Variants in GAB2 observed in about 807,000 individuals in gnomAD.
GAB2 encodes the protein GRB2-associated-binding protein 2.
Under a neutral mutation model 65.5 loss-of-function variants are expected in GAB2, and 26 were observed. That is an observed-to-expected ratio of 0.40 (90% CI 0.29 to 0.55). GAB2 has a LOEUF of 0.55. Ranked by LOEUF, GAB2 falls within the 20% of genes least tolerant of loss-of-function variation. The probability of loss-of-function intolerance (pLI) is 0.53; values close to 1 mark genes in which losing one functional copy is unlikely to be tolerated. For missense variants in GAB2, 884 were observed against 875.8 expected, an observed-to-expected ratio of 1.01 and a Z score of -0.12; for synonymous variants, 321 against 329.6, an observed-to-expected ratio of 0.97 and a Z score of 0.28.
intron 1 of GAB2, among the ~76,000 whole-genome samples, chr11:78,394,299 CA>C (rs1374977978): frequency 1.3e-5 from 2 of 151,802 alleles, no homozygotes; most frequent in Non-Finnish European, 2.9e-5. Context: ...AAAAAAACAC[CA>C]AAAAACAAAA....
At chr11:78,250,851 C>G (rs1387386525) in intron 2 of GAB2, among the ~76,000 whole-genome samples, 1 of 152,148 alleles carries the variant, frequency 6.6e-6, no homozygotes, top group Non-Finnish European at 1.5e-5. Flanking sequence ...AATGCAGAAA[C>G]AGAAAACCAA....
chr11:78,352,730 C>A (rs945156474), intron 1 of GAB2, among the ~76,000 whole-genome samples: 2 of 152,082 alleles, frequency 1.3e-5, no homozygotes, highest in Admixed American at 1.3e-4. Context: ...CCAAAAAAAA[C>A]ATAAGGGGTT....
chr11:78,262,798 G>A (rs191631798), intron 2 of GAB2, among the ~76,000 whole-genome samples: 57 of 152,172 alleles, frequency 3.7e-4, no homozygotes, highest in East Asian at 1.9e-3. Context: ...GTACTGAGTG[G>A]GCCTGCATAC....
intron 1 of GAB2, among the ~76,000 whole-genome samples, chr11:78,313,909 C>G (rs758393714): frequency 6.6e-5 from 10 of 152,126 alleles, no homozygotes; most frequent in Non-Finnish European, 1.3e-4. Context: ...TTAAATCCAC[C>G]TACCAAAAAA....
chr11:78,245,244 G>C (rs1320654371), intron 3 of GAB2, among the ~76,000 whole-genome samples: 3 of 152,134 alleles, frequency 2.0e-5, no homozygotes, highest in Non-Finnish European at 4.4e-5. Context: ...ATAACAATAT[G>C]AATGTACTTT....
rs141358657 is a variant in GAB2, at chr11:78,251,758, G to A, written c.377-1358C>T. ...CCTGGACTTGCTTCTTCTTCTGTGT[G>A]CCAGCAGCACTTGGCCCATGCTCCC... is the stretch of plus-strand genomic sequence containing the variant. On this transcript the variant is annotated intron_variant, in intron 2 of 9. Coordinates refer to ENST00000361507, the MANE Select transcript of GAB2 (RefSeq NM_080491.3). Among the ~76,000 whole-genome samples, 12 of 152,042 alleles carry A rather than the reference G, an allele frequency of 7.9e-5. No individual in the cohort carries two copies. In the East Asian group the frequency reaches 2.3e-3, roughly 30 times the overall value.
At chr11:78,228,771 C>G (rs1864758196) in intron 3 of GAB2, among the ~76,000 whole-genome samples, 2 of 145,524 alleles carry the variant, frequency 1.4e-5, no homozygotes, top group African/African-American at 5.2e-5. Context: ...AGCCAACAGC[C>G]ATGGGCTTGG....
intron 1 of GAB2, among the ~76,000 whole-genome samples, chr11:78,331,707 C>G (rs139713639): frequency 5.3e-5 from 8 of 152,160 alleles, no homozygotes; most frequent in Middle Eastern, 6.8e-3. Context: ...ATAGTGCCCA[C>G]GCTGCTCTGG....
intron 1 of GAB2, among the ~76,000 whole-genome samples, chr11:78,316,253 C>A (rs1855601325): frequency 6.6e-6 from 1 of 152,138 alleles, no homozygotes; most frequent in Admixed American, 6.5e-5. Context: ...TCCCCAGCTT[C>A]CAGATGGCCT....
At chr11:78,226,010 C>T (rs1368910931) in intron 4 of GAB2, among the ~76,000 whole-genome samples, 1 of 152,188 alleles carries the variant, frequency 6.6e-6, no homozygotes, top group African/African-American at 2.4e-5. Flanking sequence ...TTGACTTCAA[C>T]CAAAGAGATT....
intron 1 of GAB2, among the ~76,000 whole-genome samples, chr11:78,335,423 T>C (rs1855981388): frequency 6.6e-6 from 1 of 152,224 alleles, no homozygotes; most frequent in Non-Finnish European, 1.5e-5. Flanking sequence ...TTGTATATGG[T>C]GAAAGATAGG....
intron 1 of GAB2, among the ~76,000 whole-genome samples, chr11:78,320,245 C>G (rs776142535): frequency 6.6e-6 from 1 of 152,098 alleles, no homozygotes; most frequent in African/African-American, 2.4e-5. Flanking sequence ...CTATGTTTCC[C>G]AGGCAGGATT....
chr11:78,327,235 T>C (rs1285971217), intron 1 of GAB2, among the ~76,000 whole-genome samples: 1 of 152,202 alleles, frequency 6.6e-6, no homozygotes, highest in African/African-American at 2.4e-5. Context: ...TAATAGCCTA[T>C]AAGAATGATA....
intron 1 of GAB2, among the ~76,000 whole-genome samples, chr11:78,281,945 T>G (rs540466297): frequency 1.3e-5 from 2 of 152,346 alleles, no homozygotes; most frequent in Admixed American, 1.3e-4. Flanking sequence ...AAACAAGTTT[T>G]CTAACTTTTT....
At chr11:78,258,855 T>C (rs778925961) in intron 2 of GAB2, among the ~76,000 whole-genome samples, 2 of 152,218 alleles carry the variant, frequency 1.3e-5, no homozygotes, top group Non-Finnish European at 2.9e-5. Flanking sequence ...AAGTTTATAA[T>C]GTTTTCATTG....
At chr11:78,306,042 C>A (rs553263167) in intron 1 of GAB2, among the ~76,000 whole-genome samples, 3 of 152,242 alleles carry the variant, frequency 2.0e-5, no homozygotes, top group Admixed American at 6.5e-5. Flanking sequence ...GAATGCAAAC[C>A]CCTATATTAA....
chr11:78,386,019 C>T (rs1856761403), intron 1 of GAB2, among the ~76,000 whole-genome samples: 1 of 152,150 alleles, frequency 6.6e-6, no homozygotes, highest in Non-Finnish European at 1.5e-5. Context: ...CAAAGCTTCC[C>T]CATCCCCAGT....
At chr11:78,303,684 A>G (rs1254833211) in intron 1 of GAB2, among the ~76,000 whole-genome samples, 3 of 152,144 alleles carry the variant, frequency 2.0e-5, no homozygotes, top group African/African-American at 7.2e-5. Flanking sequence ...TCAGTTTGTC[A>G]ATTTTTACCC....
intron 1 of GAB2, among the ~76,000 whole-genome samples, chr11:78,294,392 T>G (rs980630457): frequency 5.9e-5 from 9 of 152,230 alleles, no homozygotes; most frequent in African/African-American, 1.9e-4. Context: ...GCATGTGTCT[T>G]TATAGTAGCA....
Sources: gnomAD v4.1 joint callset for allele counts (sites outside exome capture counted in the v4.1 genomes callset) on GRCh38, gnomAD v4.1.1 for gene constraint, MANE v1.5 for transcripts, NCBI Gene and HGNC (gene_info 2026-07-23, HGNC 2026-07-21) for gene names.